MFSD12: variants seen among roughly 807,000 people sequenced by gnomAD.
MFSD12 encodes major facilitator superfamily domain-containing protein 12.
A neutral mutation model predicts 51.2 loss-of-function variants in MFSD12; 67 were observed. The ratio of observed to expected loss-of-function variants is 1.31; its 90% CI spans 1.08 to 1.60. MFSD12 has a LOEUF of 1.60. Ranked by LOEUF, MFSD12 falls within the 40% of genes most tolerant of loss-of-function variation. The pLI is 0.00. For synonymous variants in MFSD12, 441 were observed against 316.7 expected, an observed-to-expected ratio of 1.39 and a Z score of -4.17; for missense variants, 921 against 673.0, an observed-to-expected ratio of 1.37 and a Z score of -4.08.
intron 8 of MFSD12, 66 bp from the exon 9 acceptor site, chr19:3,545,005 C>T: frequency 2.0e-6 from 3 of 1,522,350 alleles, no homozygotes; most frequent in Non-Finnish European, 2.6e-6. Context: ...CAAGCTGAAC[C>T]TGTGCCTCCC....
At chr19:3,543,074 G>A (rs529226256), downstream of MFSD12, 110 of 1,587,310 alleles carry the variant, frequency 6.9e-5, 2 homozygotes, top group South Asian at 1.2e-3. Context: ...CCACTCTGGG[G>A]TGAGGGGTAC....
intron 1 of MFSD12, among the ~76,000 whole-genome samples, chr19:3,553,169 C>G (rs1211862167): frequency 1.3e-5 from 2 of 152,132 alleles, no homozygotes; most frequent in African/African-American, 4.8e-5. Context: ...AGAGCATGAA[C>G]TGTGGACTCC....
In MFSD12 at chr19:3,556,910, G is replaced by A. The variant is rs778163317; in HGVS notation, c.298+196C>T. On this transcript the variant is annotated intron_variant, in intron 1 of 9. Coordinates refer to ENST00000355415, the MANE Select transcript of MFSD12 (RefSeq NM_174983.5). ...AGAGGGGTGAAAACTCAGCTCATAG[G>A]GCAGACAGATACATAGGGGAGGTTA... Among the ~76,000 whole-genome samples the A allele has an allele frequency of 6.9e-4, 105 of 152,276 alleles. 2 individuals are homozygous for A. Among genetic ancestry groups the A allele is most frequent in the Non-Finnish European group, 9.1e-4 (62 of 68,004 alleles).
downstream of MFSD12, chr19:3,543,554 G>A (rs767666482): frequency 2.1e-6 from 3 of 1,432,552 alleles, no homozygotes; most frequent in East Asian, 8.0e-5. Context: ...CCCCACCGCA[G>A]CCTACACCCA....
chr19:3,545,409 C>T (rs1010980171), intron 8 of MFSD12, among the ~76,000 whole-genome samples: 1 of 151,062 alleles, frequency 6.6e-6, no homozygotes, highest in African/African-American at 2.5e-5. Flanking sequence ...CCTCCTCCCT[C>T]TACTCCAGCC....
chr19:3,547,956 G>A lies in MFSD12; in HGVS notation c.729C>T (p.Arg243=), dbSNP rs2031210255. 1.3e-6 allele frequency: 2 copies of A among 1,596,060 alleles called. No homozygotes were observed. Among genetic ancestry groups the A allele is most frequent in the African/African-American group, 1.3e-5 (1 of 74,404 alleles). Reference sequence around the variant, plus strand: ...CGCCTGGCTCCTCCGCATGCGGCCGGCGCCTCTCCCGGGTGCCCAGGTGGA... The same window carrying A: ...CGCCTGGCTCCTCCGCATGCGGCCGACGCCTCTCCCGGGTGCCCAGGTGGA... ...LLFHLGTRER[R]RPHAEEPGEH... The change falls in exon 4 of 10, where the codon CGC becomes CGT. Residue 243 remains arginine, a synonymous_variant. Coordinates refer to ENST00000355415, the MANE Select transcript of MFSD12 (RefSeq NM_174983.5).
At chr19:3,550,118 C>A (rs577389889) in intron 2 of MFSD12, among the ~76,000 whole-genome samples, 7 of 152,304 alleles carry the variant, frequency 4.6e-5, no homozygotes, top group Admixed American at 2.6e-4. Flanking sequence ...AGAGGAGGGA[C>A]CGCCCCCAGC....
Position 3,557,421 on chromosome 19 carries a change from G to C in MFSD12, c.-18C>G, listed in dbSNP as rs2145233539. Reference sequence around the variant, plus strand: ...GGGCCCATCGCGGCGCCGGGCCCGCGCCCCCCACCCCCGGGCTCCGCGGAG... The same window carrying C: ...GGGCCCATCGCGGCGCCGGGCCCGCCCCCCCCACCCCCGGGCTCCGCGGAG... On this transcript the variant is annotated 5_prime_UTR_variant, in exon 1 of 10. Coordinates refer to ENST00000355415, the MANE Select transcript of MFSD12 (RefSeq NM_174983.5). 1 of 1,209,032 alleles carries C rather than the reference G, an allele frequency of 8.3e-7. No individual in the cohort carries two copies. Among genetic ancestry groups the C allele is most frequent in the Non-Finnish European group, 1.0e-6 (1 of 968,576 alleles). 74.9% of individuals were successfully genotyped at this position (1,209,032 alleles called of 1,614,324 possible).
Position 3,546,396 on chromosome 19 carries a change from G to C in MFSD12, c.1053C>G (p.Ile351Met). ...GCGCCACCCAGGCGGCAAAGGCCAG[G>C]ATCACCAGGAGGCCTGAGAAGTAGG... ...NMTYFSGLLV[I>M]LAFAAWVALA... Residue 351 changes from isoleucine (I) to methionine (M), a missense_variant, in exon 7 of 10, where the codon ATC becomes ATG. By Grantham distance (10) the Ile-to-Met change is conservative. Coordinates refer to ENST00000355415, the MANE Select transcript of MFSD12 (RefSeq NM_174983.5). The C allele has an allele frequency of 6.2e-7, 1 of 1,608,046 alleles. No individual in the cohort carries two copies. The highest frequency in any genetic ancestry group is 8.5e-7 in the Non-Finnish European group (1 of 1,177,912).
chr19:3,546,829 G>C (rs1454526545), intron 6 of MFSD12, among the ~76,000 whole-genome samples: 1 of 152,122 alleles, frequency 6.6e-6, no homozygotes, highest in East Asian at 1.9e-4. Flanking sequence ...CTTGTTCCCA[G>C]ATCTGGGGCT....
chr19:3,553,494 C>T (rs142284724), intron 1 of MFSD12, among the ~76,000 whole-genome samples: 4,780 of 146,486 alleles, frequency 0.033, 253 homozygotes, highest in African/African-American at 0.11. Context: ...AAAGGCCGGG[C>T]GCGGTGGCTC....
exon 5 of MFSD12, chr19:3,538,711 C>T (rs965350664): frequency 2.1e-6 from 1 of 474,986 alleles, no homozygotes; most frequent in Non-Finnish European, 4.4e-6. Flanking sequence ...CCGCCTCGGG[C>T]TGTCACAAAT....
At chr19:3,553,134 G>T (rs1458283077) in intron 1 of MFSD12, among the ~76,000 whole-genome samples, 1 of 152,162 alleles carries the variant, frequency 6.6e-6, no homozygotes, top group Non-Finnish European at 1.5e-5. Context: ...GATTCCTGGG[G>T]TCCTTGGGGA....
chr19:3,538,701 C>T (rs373945014), exon 5 of MFSD12: 3 of 473,560 alleles, frequency 6.3e-6, no homozygotes, highest in Non-Finnish European at 1.3e-5. Context: ...TCGGTGTTCT[C>T]CGCCTCGGGC....
rs1227941871 is a variant in MFSD12, at chr19:3,544,877, C to T, written c.1352G>A (p.Gly451Asp). 4 of 1,611,740 alleles carry T rather than the reference C, an allele frequency of 2.5e-6. No homozygotes were observed. Among genetic ancestry groups the T allele is most frequent in the Non-Finnish European group, 3.4e-6 (4 of 1,179,432 alleles). The change falls in exon 9 of 10, where the codon GGC (glycine) becomes GAC (aspartate). Residue 451 changes from glycine (G) to aspartate (D), a missense_variant. Physicochemically the swap from Gly to Asp is moderately conservative, Grantham distance 94. Transcript: ENST00000355415. ...FYHWAMVAVT[G>D]GVGVAAALCL... The stretch of plus-strand genomic sequence containing the variant: ...CAGGGCAGCGGCCACGCCCACGCCG[C>T]CCGTCACAGCCACCATCGCCCAGTG...
At chr19:3,542,643 G>C (rs1034996121), downstream of MFSD12, 13 of 1,076,862 alleles carry the variant, frequency 1.2e-5, no homozygotes, top group Admixed American at 3.4e-5. Flanking sequence ...CACCATGCCT[G>C]GCTTAATTTT....
chr19:3,545,370 C>T (rs1275329589), intron 8 of MFSD12, among the ~76,000 whole-genome samples: 2 of 152,182 alleles, frequency 1.3e-5, no homozygotes, highest in Non-Finnish European at 2.9e-5. Context: ...CTCCCCATGG[C>T]CCACCAGGCC....
downstream of MFSD12, among the ~76,000 whole-genome samples, chr19:3,540,770 T>G (rs546272183): frequency 5.3e-5 from 8 of 150,314 alleles, no homozygotes; most frequent in Admixed American, 3.3e-4. Flanking sequence ...TCCCAGCTAC[T>G]TGGGAGGCTG....
chr19:3,545,989 G>C, intron 8 of MFSD12, 85 bp downstream of exon 8: 1 of 1,437,682 alleles, frequency 7.0e-7, no homozygotes, highest in Non-Finnish European at 9.7e-7. Context: ...TGGATGCCCA[G>C]ACCCAGAACA....
Sources: allele counts gnomAD v4.1 joint callset (sites outside exome capture counted in the v4.1 genomes callset), GRCh38; gene constraint gnomAD v4.1.1; transcripts MANE v1.5; gene names NCBI Gene and HGNC (gene_info 2026-07-23, HGNC 2026-07-21).